Variants in CLASP1 observed in about 807,000 individuals in gnomAD.
CLASP1 encodes the protein CLIP-associating protein 1.
In CLASP1, 38 loss-of-function variants were observed where a neutral mutation model predicts 192.3. The observed-to-expected ratio is 0.20, with a 90% CI of 0.15 to 0.26. The LOEUF is 0.26. Among genes scored for constraint, CLASP1 ranks in the 10% least tolerant of loss-of-function variants. CLASP1 has a pLI of 1.00. For missense variants in CLASP1, 1,433 were observed against 1,932.5 expected (o/e 0.74, Z 4.85); for synonymous variants, 691 against 712.8 (o/e 0.97, Z 0.49).
chr2:121,649,396 C>T (rs1206653322), exon 1 of CLASP1: 1 of 151,294 alleles, frequency 6.6e-6, no homozygotes, highest in Non-Finnish European at 1.5e-5. Context: ...TTACTGTTGC[C>T]GCTGCGGACC....
intron 2 of CLASP1, among the ~76,000 whole-genome samples, chr2:121,593,910 G>A (rs1421077830): frequency 3.3e-5 from 5 of 151,896 alleles, no homozygotes; most frequent in African/African-American, 1.2e-4. Flanking sequence ...TTGGGAGGCT[G>A]AGCCAGGAGA....
intron 2 of CLASP1, among the ~76,000 whole-genome samples, chr2:121,546,554 G>A (rs1370417404): frequency 6.6e-6 from 1 of 152,044 alleles, no homozygotes; most frequent in Non-Finnish European, 1.5e-5. Context: ...GAAGCAGTGA[G>A]TGAATATGGG....
intron 8 of CLASP1, among the ~76,000 whole-genome samples, chr2:121,474,139 T>C (rs1289454135): frequency 1.3e-5 from 2 of 152,092 alleles, no homozygotes; most frequent in East Asian, 3.8e-4. Context: ...GCAAAAATAT[T>C]TAGCTTTCAT....
chr2:121,610,714 G>A (rs1192710307), intron 1 of CLASP1, among the ~76,000 whole-genome samples: 1 of 147,254 alleles, frequency 6.8e-6, no homozygotes, highest in Non-Finnish European at 1.5e-5. Context: ...GAAGGAGGAG[G>A]AGGAGTTACA....
At chr2:121,478,712 ACAC>A (rs1182085399) in intron 8 of CLASP1, among the ~76,000 whole-genome samples, 4 of 44,200 alleles carry the variant, frequency 9.0e-5, no homozygotes, top group Admixed American at 2.8e-4. Flanking sequence ...CACCCCACAC[ACAC>A]AACCACACAC....
chr2:121,609,479 C>T (rs1419615387), intron 1 of CLASP1, among the ~76,000 whole-genome samples: 1 of 152,162 alleles, frequency 6.6e-6, no homozygotes, highest in Admixed American at 6.5e-5. Context: ...TTCTCTCTTA[C>T]ACTTATTCTT....
At chr2:121,566,918 TA>T (rs2059556823) in intron 2 of CLASP1, among the ~76,000 whole-genome samples, 1 of 152,134 alleles carries the variant, frequency 6.6e-6, no homozygotes, top group Admixed American at 6.5e-5. Flanking sequence ...AGAGCCTGCT[TA>T]AAAAACAGCT....
intron 2 of CLASP1, among the ~76,000 whole-genome samples, chr2:121,601,059 T>C (rs2063726984): frequency 6.6e-6 from 1 of 152,176 alleles, no homozygotes; most frequent in Non-Finnish European, 1.5e-5. Context: ...TTGCCTTAAC[T>C]ACTACTGGAT....
intron 2 of CLASP1, chr2:121,532,286 T>A (rs961613977): frequency 3.9e-5 from 6 of 152,218 alleles, no homozygotes; most frequent in Middle Eastern, 3.2e-3. Flanking sequence ...ACAGATTTTT[T>A]AAATAATATA....
rs543225629 is a variant in CLASP1, at chr2:121,344,394, C to G, written c.4530+2644G>C. On this transcript the variant is annotated intron_variant, in intron 39 of 39. Transcript: ENST00000263710. ...TCACCCAGGCTGGAGTGCAGTGGTGCGTTCTTGGCTCACTGCAACCTCCAC... is the reference window on the plus strand; with the variant it reads ...TCACCCAGGCTGGAGTGCAGTGGTGGGTTCTTGGCTCACTGCAACCTCCAC... Among the ~76,000 whole-genome samples the G allele has an allele frequency of 3.4e-4, 52 of 151,654 alleles. 1 individual carries two copies.
intron 8 of CLASP1, among the ~76,000 whole-genome samples, chr2:121,502,321 G>C (rs2093781415): frequency 6.6e-6 from 1 of 152,174 alleles, no homozygotes; most frequent in Non-Finnish European, 1.5e-5. Flanking sequence ...GCTCTCATGA[G>C]TAAACACATA....
chr2:121,478,595 C>T (rs1293897274), intron 8 of CLASP1, among the ~76,000 whole-genome samples: 2 of 142,328 alleles, frequency 1.4e-5, no homozygotes, highest in African/African-American at 5.3e-5. Flanking sequence ...AGCCAGACTC[C>T]GTCTCAAAAC....
intron 8 of CLASP1, among the ~76,000 whole-genome samples, chr2:121,471,379 GA>G (rs2090695686): frequency 6.6e-6 from 1 of 152,112 alleles, no homozygotes; most frequent in Non-Finnish European, 1.5e-5. Flanking sequence ...GTATAAGAGT[GA>G]GTCATTTAGG....
intron 1 of CLASP1, among the ~76,000 whole-genome samples, chr2:121,635,634 T>A (rs1040700152): frequency 2.0e-5 from 3 of 152,146 alleles, no homozygotes; most frequent in Admixed American, 1.3e-4. Context: ...AAGAGTGTGA[T>A]GGAGGGAAAT....
intron 8 of CLASP1, among the ~76,000 whole-genome samples, chr2:121,498,205 T>C (rs1234054241): frequency 6.9e-6 from 1 of 145,050 alleles, no homozygotes; most frequent in East Asian, 2.1e-4. Context: ...TAGTTTCTTT[T>C]TTTTTTTTTT....
At chr2:121,517,052 C>T (rs1432139617) in intron 6 of CLASP1, among the ~76,000 whole-genome samples, 1 of 152,094 alleles carries the variant, frequency 6.6e-6, no homozygotes, top group Admixed American at 6.5e-5. Context: ...ATTATATCTG[C>T]ATGTTACTTT....
intron 6 of CLASP1, among the ~76,000 whole-genome samples, chr2:121,520,973 CATG>C (rs1442771394): frequency 3.3e-5 from 5 of 152,170 alleles, no homozygotes; most frequent in Non-Finnish European, 7.4e-5. Context: ...AACAATGAAA[CATG>C]AGGGGAATCT....
In CLASP1 at chr2:121,580,766, TA is replaced by T. The variant is rs1250258172; in HGVS notation, c.195+24934del. 4.6e-5 allele frequency among the ~76,000 whole-genome samples: 7 copies of T among 152,242 alleles called. 1 individual carries two copies. The highest frequency in any genetic ancestry group is 2.6e-4 in the Admixed American group (4 of 15,288). On this transcript the variant is annotated intron_variant, in intron 2 of 39. Transcript: ENST00000263710. Reference sequence around the variant, plus strand: ...GTGTTTTTTAAATCAATCATGCACATATTTTTTTTCTTGGACACACAACGCA... The same window carrying T: ...GTGTTTTTTAAATCAATCATGCACATTTTTTTTTCTTGGACACACAACGCA...
intron 2 of CLASP1, among the ~76,000 whole-genome samples, chr2:121,535,959 G>A (rs1181299861): frequency 1.3e-5 from 2 of 151,340 alleles, no homozygotes; most frequent in African/African-American, 4.9e-5. Flanking sequence ...ACTGCACCCA[G>A]CCCTATTTTA....
Sources: allele counts gnomAD v4.1 joint callset (sites outside exome capture counted in the v4.1 genomes callset), GRCh38; gene constraint gnomAD v4.1.1; transcripts MANE v1.5; gene names NCBI Gene and HGNC (gene_info 2026-07-23, HGNC 2026-07-21).